UPF3A: variants seen among roughly 807,000 people sequenced by gnomAD.
The protein encoded by UPF3A is UPF3A regulator of nonsense mediated mRNA decay.
Under a neutral mutation model 53.5 loss-of-function variants are expected in UPF3A, and 42 were observed. That is an observed-to-expected ratio of 0.78 (90% CI 0.61 to 1.01). UPF3A has a LOEUF of 1.01. UPF3A is among the 50% of genes least tolerant of loss of function. The pLI is 0.00. For synonymous variants in UPF3A, 237 were observed against 225.3 expected, an observed-to-expected ratio of 1.05 and a Z score of -0.47; for missense variants, 575 against 598.0, an observed-to-expected ratio of 0.96 and a Z score of 0.40.
At chr13:114,282,590 C>T (rs2084215901) in intron 2 of UPF3A, 4 of 985,344 alleles carry the variant, frequency 4.1e-6, no homozygotes, top group Non-Finnish European at 3.6e-6. Flanking sequence ...CTGGCCTTGC[C>T]TTAGGGTTTC....
chr13:114,281,692 G>A lies in UPF3A; in HGVS notation c.53G>A (p.Arg18Gln), dbSNP rs1272621801. ...GGCCTTCGGGCGGCCGTTGCCGCGC[G>A]GGGCCCGAGCGGGAGGGAGAAGCTG... The part of the protein sequence containing the change: ...AGGLRAAVAA[R>Q]GPSGREKLSA... Residue 18 changes from arginine (R) to glutamine (Q), a missense_variant, in exon 1 of 10, where the codon CGG (arginine) becomes CAG (glutamine). Physicochemically the swap from Arg to Gln is conservative, Grantham distance 43. This residue lies in a region of UPF3A where 252 missense variants were observed against 182.7 expected (regional missense o/e 1.38). Transcript: ENST00000375299. 22 of 1,539,422 alleles carry A rather than the reference G, an allele frequency of 1.4e-5. No homozygotes were observed. In the Admixed American group the frequency reaches 4.3e-4, roughly 30 times the overall value.
intron 3 of UPF3A, among the ~76,000 whole-genome samples, chr13:114,284,663 C>A (rs1295961643): frequency 6.6e-6 from 1 of 151,702 alleles, no homozygotes; most frequent in Non-Finnish European, 1.5e-5. Flanking sequence ...CGTGTTACTA[C>A]ACTGTAGCCT....
In UPF3A at chr13:114,282,957, T is replaced by C; in HGVS notation, c.421+14T>C. 2 of 1,548,698 alleles carry C rather than the reference T, an allele frequency of 1.3e-6. No homozygotes were observed. Among genetic ancestry groups the C allele is most frequent in the Non-Finnish European group, 1.8e-6 (2 of 1,127,428 alleles). On this transcript the variant is annotated intron_variant, in intron 3 of 9. Transcript: ENST00000375299. ...TTGACAGCAAAGGTTGGATTATTGG[T>C]TTTTAAAAATCTATTATAATCTGTA...
intron 7 of UPF3A, among the ~76,000 whole-genome samples, chr13:114,295,061 A>G (rs2464272): frequency 0.21 from 31,532 of 148,468 alleles, 3,874 homozygotes; most frequent in East Asian, 0.59. Context: ...GCAGTGAGCC[A>G]AGATTGCGCC....
chr13:114,304,524 C>T (rs770598111), intron 9 of UPF3A, among the ~76,000 whole-genome samples: 7 of 152,278 alleles, frequency 4.6e-5, no homozygotes, highest in African/African-American at 7.2e-5. Flanking sequence ...CAGAGGGGGA[C>T]GTCATGATTG....
At chr13:114,298,643 T>C (rs902101170) in intron 7 of UPF3A, among the ~76,000 whole-genome samples, 197 bp from the exon 8 acceptor site, 2 of 152,314 alleles carry the variant, frequency 1.3e-5, no homozygotes, top group African/African-American at 4.8e-5. Flanking sequence ...TTACTTTTCA[T>C]GACTAAAAAA....
Position 114,286,579 on chromosome 13 carries a change from A to T in UPF3A, c.581A>T (p.Asn194Ile), listed in dbSNP as rs886782169. Residue 194 changes from asparagine to isoleucine, a missense_variant, in exon 5 of 10, where the codon AAC becomes ATC. Around this residue, in one of 2 missense-constraint regions of UPF3A, gnomAD observed 323 missense variants for 415.2 expected, o/e 0.78. Coordinates refer to ENST00000375299, the MANE Select transcript of UPF3A (RefSeq NM_023011.4). ...YCVEEEKTSA[N>I]PETLLGEMEA... ...GTGGAGGAAGAGAAGACCAGTGCCA[A>T]CCCTGAGACTCTGCTGGGGGAGATG... 1.1e-5 allele frequency: 18 copies of T among 1,613,794 alleles called. No homozygotes were observed. The Admixed American group carries it at 2.2e-4, about 19-fold the overall frequency.
At chr13:114,299,569 CT>C (rs1291977019) in intron 8 of UPF3A, among the ~76,000 whole-genome samples, 3 of 152,194 alleles carry the variant, frequency 2.0e-5, no homozygotes, top group African/African-American at 7.2e-5. Context: ...TGGGTCCTCC[CT>C]TTTTCTTTTC....
At chr13:114,304,416 C>T (rs2086859037) in intron 9 of UPF3A, among the ~76,000 whole-genome samples, 1 of 152,110 alleles carries the variant, frequency 6.6e-6, no homozygotes, top group African/African-American at 2.4e-5. Context: ...AGGGATAAGC[C>T]CCATGGAAAT....
At chr13:114,291,847 C>T (rs1218426287) in intron 7 of UPF3A, 55 bp downstream of exon 7, 3 of 1,510,980 alleles carry the variant, frequency 2.0e-6, no homozygotes, top group Admixed American at 2.2e-5. Flanking sequence ...ATAGTAATTA[C>T]ACTTTTTACA....
At position 114,291,944 on chromosome 13, in the gene UPF3A, C is replaced by G. The variant is rs2085313177; in HGVS notation, c.846+152C>G. 2.7e-6 allele frequency: 3 copies of G among 1,122,876 alleles called. No individual in the cohort carries two copies. The African/African-American group carries it at 4.7e-5, about 18-fold the overall frequency. The allele number at this position is 1,122,876 out of a possible 1,614,324, so 69.6% of individuals were successfully genotyped here. On this transcript the variant is annotated intron_variant, in intron 7 of 9. Transcript: ENST00000375299. ...TTTTCCATCTTTTCCATCTTTCTTT[C>G]CATCCTACAGCAGTGGTTATCACAG...
At chr13:114,304,303 A>G (rs2086848920) in intron 9 of UPF3A, among the ~76,000 whole-genome samples, 1 of 152,152 alleles carries the variant, frequency 6.6e-6, no homozygotes, top group Non-Finnish European at 1.5e-5. Flanking sequence ...CATGGACTTC[A>G]TGGGTCATTT....
intron 3 of UPF3A, chr13:114,284,118 C>A (rs2139140110): frequency 1.0e-6 from 1 of 973,748 alleles, no homozygotes; most frequent in Non-Finnish European, 1.2e-6. Context: ...AATCCCAGCA[C>A]TTTAGGAGGC....
At chr13:114,282,746 A>G in intron 2 of UPF3A, 91 bp from the exon 3 acceptor site, 1 of 1,531,172 alleles carries the variant, frequency 6.5e-7, no homozygotes, top group Non-Finnish European at 8.8e-7. Context: ...TATCTAAAGT[A>G]GTTTGTTGTG....
rs1360420517 is a variant in UPF3A, at chr13:114,304,325, C to A, written c.1303-464C>A. ...TTCATGGGTCATTTTTATTGCTTCACCTCCAGGAGTTTAATAAAATGATGG... is the reference window on the plus strand; with the variant it reads ...TTCATGGGTCATTTTTATTGCTTCAACTCCAGGAGTTTAATAAAATGATGG... On this transcript the variant is annotated intron_variant, in intron 9 of 9. Coordinates refer to ENST00000375299, the MANE Select transcript of UPF3A (RefSeq NM_023011.4). Among the ~76,000 whole-genome samples the A allele has an allele frequency of 3.3e-5, 5 of 152,168 alleles. No individual in the cohort carries two copies. The East Asian group carries it at 5.8e-4, about 18-fold the overall frequency.
chr13:114,298,765 TG>T, intron 7 of UPF3A, 74 bp from the exon 8 acceptor site: 1 of 1,329,648 alleles, frequency 7.5e-7, no homozygotes, highest in Non-Finnish European at 9.9e-7. Flanking sequence ...GGGGTATATT[TG>T]TAATTATTTA....
intron 9 of UPF3A, among the ~76,000 whole-genome samples, chr13:114,302,648 C>G (rs1019365241): frequency 9.2e-5 from 14 of 152,234 alleles, no homozygotes; most frequent in African/African-American, 3.4e-4. Flanking sequence ...CCCCTGGCAG[C>G]CACTGTCTGT....
Position 114,291,790 on chromosome 13 carries a change from A to G in UPF3A, c.844A>G (p.Lys282Glu). 6.3e-7 allele frequency: 1 copy of G among 1,578,350 alleles called. No homozygotes were observed. Among genetic ancestry groups the G allele is most frequent in the Non-Finnish European group, 8.6e-7 (1 of 1,166,522 alleles). The change falls in exon 7 of 10, where the codon AAG becomes GAG. Residue 282 changes from lysine to glutamate, a missense_variant and splice_region_variant. Physicochemically the swap from Lys to Glu is moderately conservative, Grantham distance 56. Coordinates refer to ENST00000375299, the MANE Select transcript of UPF3A (RefSeq NM_023011.4). Reference protein sequence around the residue: ...KKIAEKEVRIKLLKKPEKGEE... With the variant: ...KKIAEKEVRIELLKKPEKGEE... Reference sequence around the variant, plus strand: ...AATTGCAGAGAAAGAAGTAAGGATTAAGGTAATTCTGAGGAAACATTTCCT... The same window carrying G: ...AATTGCAGAGAAAGAAGTAAGGATTGAGGTAATTCTGAGGAAACATTTCCT...
rs111810234 is a variant in UPF3A at position 114,293,966 on chromosome 13, A to G, written c.846+2174A>G. Among the ~76,000 whole-genome samples the G allele has an allele frequency of 5.9e-3, 895 of 152,156 alleles. 7 individuals are homozygous for G. The highest frequency in any genetic ancestry group is 0.021 in the African/African-American group (858 of 41,490). On this transcript the variant is annotated intron_variant, in intron 7 of 9. Transcript: ENST00000375299. Reference sequence around the variant, plus strand: ...GAGAGACCCTGTTTCTGTTTTTTGTAGAGATGGGGTTCCCACTATATTGCC... The same window carrying G: ...GAGAGACCCTGTTTCTGTTTTTTGTGGAGATGGGGTTCCCACTATATTGCC...
Sources: allele counts gnomAD v4.1 joint callset (sites outside exome capture counted in the v4.1 genomes callset), GRCh38; gene constraint gnomAD v4.1.1; regional missense constraint gnomAD v4.1.1; transcripts MANE v1.5; gene names NCBI Gene and HGNC (gene_info 2026-07-23, HGNC 2026-07-21).